Variants in NSD1 observed in about 807,000 individuals in gnomAD.
NSD1 encodes nuclear receptor binding SET domain protein 1.
NSD1 carries 26 observed loss-of-function variants against 242.7 expected under a neutral mutation model. The observed-to-expected ratio is 0.11, with a 90% confidence interval of 0.08 to 0.15. The LOEUF (loss-of-function observed/expected upper bound fraction) is 0.15, where lower values mean the gene tolerates loss of function less well. Ranked by LOEUF, NSD1 falls within the 10% of genes least tolerant of loss-of-function variation. NSD1 has a pLI of 1.00. For missense variants in NSD1, 2,495 were observed against 3,272.8 expected, an observed-to-expected ratio of 0.76 and a Z score of 5.80; for synonymous variants, 1,106 against 1,178.1, an observed-to-expected ratio of 0.94 and a Z score of 1.25.
Position 177,296,418 on chromosome 5 carries a change from G to A in NSD1, c.*959G>A, listed in dbSNP as rs1284990614. ...CATCCCTATTTCCCTAAAACACTCAGGTGCTTTCAGATTTCAGAGCCTCGG... is the reference window on the plus strand; with the variant it reads ...CATCCCTATTTCCCTAAAACACTCAAGTGCTTTCAGATTTCAGAGCCTCGG... On this transcript the variant is annotated 3_prime_UTR_variant, in exon 23 of 23. Transcript: ENST00000439151. The A allele has an allele frequency of 4.3e-6, 1 of 233,308 alleles. No individual in the cohort carries two copies. The highest frequency in any genetic ancestry group is 6.0e-5 in the East Asian group (1 of 16,600). The allele number at this position is 233,308 out of a possible 1,614,324, so 14.5% of individuals were successfully genotyped here.
chr5:177,247,277 G>A (rs777465354), intron 10 of NSD1, among the ~76,000 whole-genome samples: 4 of 152,076 alleles, frequency 2.6e-5, no homozygotes, highest in Non-Finnish European at 5.9e-5. Context: ...TAACAATACA[G>A]AAATTACCTG....
rs1213193500 is a variant in NSD1, at chr5:177,292,079, C to A, written c.6384C>A (p.Gly2128=). The A allele has an allele frequency of 6.2e-7, 1 of 1,614,112 alleles. No homozygotes were observed. Among genetic ancestry groups the A allele is most frequent in the Non-Finnish European group, 8.5e-7 (1 of 1,180,010 alleles). The part of the protein sequence containing the change: ...EDECFSCGDA[G]QLVSCKKPGC... Reference sequence around the variant, plus strand: ...AGTGTTTTAGTTGTGGGGATGCTGGCCAGCTCGTCTCCTGCAAGAAACCAG... The same window carrying A: ...AGTGTTTTAGTTGTGGGGATGCTGGACAGCTCGTCTCCTGCAAGAAACCAG... The change falls in exon 22 of 23, where the codon GGC becomes GGA. Residue 2128 remains glycine (G), a synonymous_variant. Transcript: ENST00000439151.
chr5:177,249,415 C>T (rs1755722087), intron 11 of NSD1, among the ~76,000 whole-genome samples: 1 of 151,750 alleles, frequency 6.6e-6, no homozygotes, highest in East Asian at 1.9e-4. Context: ...AAACAAAAAA[C>T]TTGAGGATGT....
At chr5:177,170,874 T>G (rs549255128) in intron 2 of NSD1, among the ~76,000 whole-genome samples, 1 of 152,234 alleles carries the variant, frequency 6.6e-6, no homozygotes, top group Admixed American at 6.5e-5. Flanking sequence ...CCTTTGAATT[T>G]GCCTGTTTTA....
At chr5:177,224,496 A>G (rs1294134456) in intron 5 of NSD1, among the ~76,000 whole-genome samples, 1 of 151,850 alleles carries the variant, frequency 6.6e-6, no homozygotes, top group East Asian at 1.9e-4. Flanking sequence ...TATTATTTTA[A>G]TATTTAATAT....
intron 5 of NSD1, among the ~76,000 whole-genome samples, chr5:177,221,256 C>G (rs919843305): frequency 6.6e-6 from 1 of 150,946 alleles, no homozygotes; most frequent in South Asian, 2.1e-4. Context: ...TGGTTTGTAG[C>G]TGTTTTGTCC....
At chr5:177,218,061 C>T (rs1209476891) in intron 5 of NSD1, among the ~76,000 whole-genome samples, 2 of 152,096 alleles carry the variant, frequency 1.3e-5, no homozygotes, top group African/African-American at 2.4e-5. Flanking sequence ...TACAGCCATG[C>T]ACCACCATAC....
rs2127281815 is a variant in NSD1, at chr5:177,294,545, C to T, written c.7177C>T (p.Leu2393Phe). The change falls in exon 23 of 23, where the codon CTC (leucine) becomes TTC (phenylalanine). Residue 2393 changes from leucine (L) to phenylalanine (F), a missense_variant. Physicochemically the swap from Leu to Phe is conservative, Grantham distance 22 (BLOSUM62 0). Around this residue, in one of 19 missense-constraint regions of NSD1, gnomAD observed 475 missense variants for 563.7 expected, o/e 0.84. Coordinates refer to ENST00000439151, the MANE Select transcript of NSD1 (RefSeq NM_022455.5). ...GLRLPPPDRLLITSSPKPQTS... is the reference protein window; with the variant it reads ...GLRLPPPDRLFITSSPKPQTS... ...GAGACTTCCGCCGCCAGACAGACTG[C>T]TCATTACTAGCAGTCCCAAACCCCA... 6.2e-7 allele frequency: 1 copy of T among 1,614,234 alleles called. No homozygotes were observed. The highest frequency in any genetic ancestry group is 1.7e-5 in the Admixed American group (1 of 60,034).
Position 177,181,427 on chromosome 5 carries a change from G to GTTTTTTTTTTT in NSD1, c.928-10449_928-10439dup, listed in dbSNP as rs34848476. Among the ~76,000 whole-genome samples the GTTTTTTTTTTT allele has an allele frequency of 3.1e-3, 365 of 117,260 alleles. 6 individuals carry two copies. The highest frequency in any genetic ancestry group is 0.02 in the Middle Eastern group (4 of 204). The allele number at this position is 117,260 out of a possible 152,430, so 76.9% of individuals were successfully genotyped here. On this transcript the variant is annotated intron_variant, in intron 2 of 22. Transcript: ENST00000439151. Reference sequence around the variant, plus strand: ...AAACTTCATTATGGGTTTTTTTTTGGTTTTTTTTTTTTTTTTTTGGCAGGT... The same window carrying GTTTTTTTTTTT: ...AAACTTCATTATGGGTTTTTTTTTGGTTTTTTTTTTTTTTTTTTTTTTTTTTTTTGGCAGGT...
At position 177,209,775 on chromosome 5, in the gene NSD1, A is replaced by C. The variant is rs1166261360; in HGVS notation, c.1376A>C (p.Asp459Ala). ...AGTGAAGAAGATATGCCATTTGAAG[A>C]CTGCACAAATGATCCTGAGTCAGAA... ...LDSEEDMPFE[D>A]CTNDPESEHD... The change falls in exon 5 of 23, where the codon GAC (aspartate) becomes GCC (alanine). Residue 459 changes from aspartate to alanine, a missense_variant. Coordinates refer to ENST00000439151, the MANE Select transcript of NSD1 (RefSeq NM_022455.5). The C allele has an allele frequency of 6.2e-7, 1 of 1,614,170 alleles. No homozygotes were observed. The highest frequency in any genetic ancestry group is 1.1e-5 in the South Asian group (1 of 91,090).
At chr5:177,289,615 G>C (rs116755619) in intron 21 of NSD1, among the ~76,000 whole-genome samples, 113 of 152,140 alleles carry the variant, frequency 7.4e-4, no homozygotes, top group African/African-American at 2.6e-3. Flanking sequence ...TCTTTCTGAA[G>C]ATACCAAAAA....
chr5:177,262,694 C>G (rs1229116374), intron 14 of NSD1, among the ~76,000 whole-genome samples: 2 of 152,250 alleles, frequency 1.3e-5, no homozygotes, highest in Non-Finnish European at 2.9e-5. Flanking sequence ...GCCTGGCCAA[C>G]ATGGCGAAAC....
intron 12 of NSD1, among the ~76,000 whole-genome samples, chr5:177,253,260 T>C (rs1246114877): frequency 1.3e-5 from 2 of 152,170 alleles, no homozygotes; most frequent in Non-Finnish European, 2.9e-5. Context: ...GGGAGGATAT[T>C]ATAGGGTCAA....
Position 177,209,722 on chromosome 5 carries a change from A to G in NSD1, c.1323A>G (p.Lys441=). ...TTCCCAAGGGGTCAAAGAACCGAAA[A>G]TGTATTCCTGGTTCAATCAAGTTGG... The part of the protein sequence containing the change: ...YDVPKGSKNR[K]CIPGSIKLDS... The change falls in exon 5 of 23, where the codon AAA becomes AAG. Residue 441 remains lysine (K), a synonymous_variant. Coordinates refer to ENST00000439151, the MANE Select transcript of NSD1 (RefSeq NM_022455.5). 1.2e-6 allele frequency: 2 copies of G among 1,614,080 alleles called. No homozygotes were observed. Among genetic ancestry groups the G allele is most frequent in the Non-Finnish European group, 1.7e-6 (2 of 1,179,968 alleles).
At chr5:177,135,047 C>G in intron 1 of NSD1, 40 bp from the exon 2 acceptor site, 1 of 1,547,186 alleles carries the variant, frequency 6.5e-7, no homozygotes, top group Non-Finnish European at 8.9e-7. Flanking sequence ...AGTCAGATGG[C>G]CTATTAACTC....
In NSD1 at chr5:177,136,182, T is replaced by G. The variant is rs1581093369; in HGVS notation, c.927+152T>G. On this transcript the variant is annotated intron_variant, in intron 2 of 22. Transcript: ENST00000439151. ...CATAAGCTTTGGGCAAAATTTTACT[T>G]TGATTTTTAAATTTATCTCTGTTGT... The G allele has an allele frequency of 1.5e-5, 10 of 669,470 alleles. No homozygotes were observed. In the East Asian group the frequency reaches 2.8e-4, roughly 19 times the overall value. The allele number at this position is 669,470 out of a possible 1,614,324, so 41.5% of individuals were successfully genotyped here.
chr5:177,230,256 T>G (rs1053799306), intron 5 of NSD1, among the ~76,000 whole-genome samples: 4 of 152,128 alleles, frequency 2.6e-5, no homozygotes, highest in Admixed American at 2.6e-4. Context: ...GTATGTTACT[T>G]TATTTTTTAT....
intron 2 of NSD1, among the ~76,000 whole-genome samples, chr5:177,150,748 T>G (rs1016010677): frequency 7.2e-5 from 11 of 152,188 alleles, no homozygotes; most frequent in Admixed American, 6.6e-4. Context: ...AAGGTAGTCT[T>G]TCTTTGTAAA....
In NSD1 at chr5:177,211,298, A is replaced by G; in HGVS notation, c.2899A>G (p.Lys967Glu). 1.9e-6 allele frequency: 3 copies of G among 1,614,138 alleles called. No homozygotes were observed. Among genetic ancestry groups the G allele is most frequent in the Non-Finnish European group, 2.5e-6 (3 of 1,180,020 alleles). ...VSGGSTHNSEKKGDGTQNSAN... is the reference protein window; with the variant it reads ...VSGGSTHNSEEKGDGTQNSAN... ...AGGAGGCTCCACACACAATTCAGAG[A>G]AAAAGGGAGATGGCACTCAGAACTC... is the stretch of plus-strand genomic sequence containing the variant. Residue 967 changes from lysine (K) to glutamate (E), a missense_variant, in exon 5 of 23, where the codon AAA (lysine) becomes GAA (glutamate). Physicochemically the swap from Lys to Glu is moderately conservative, Grantham distance 56. Coordinates refer to ENST00000439151, the MANE Select transcript of NSD1 (RefSeq NM_022455.5).
Sources: gnomAD v4.1 joint callset for allele counts (sites outside exome capture counted in the v4.1 genomes callset) on GRCh38, gnomAD v4.1.1 for gene constraint, gnomAD v4.1.1 regional missense constraint, MANE v1.5 for transcripts, NCBI Gene and HGNC (gene_info 2026-07-23, HGNC 2026-07-21) for gene names.